The following EPB41L3 variants were observed in gnomAD, a reference collection of about 807,000 sequenced individuals.
EPB41L3 encodes the protein erythrocyte membrane protein band 4.1 like 3.
In EPB41L3, 57 loss-of-function variants were observed where a neutral mutation model predicts 127.1. The observed-to-expected ratio is 0.45, with a 90% CI of 0.36 to 0.56. EPB41L3 has a LOEUF of 0.56. Ranked by LOEUF, EPB41L3 falls within the 20% of genes least tolerant of loss-of-function variation. EPB41L3 has a pLI of 0.00. For missense variants in EPB41L3, 1,273 were observed against 1,372.2 expected, an observed-to-expected ratio of 0.93 and a Z score of 1.14; for synonymous variants, 572 against 549.5, an observed-to-expected ratio of 1.04 and a Z score of -0.57.
intron 6 of EPB41L3, among the ~76,000 whole-genome samples, chr18:5,436,706 C>A (rs2079892089): frequency 6.6e-6 from 1 of 152,128 alleles, no homozygotes; most frequent in South Asian, 2.1e-4. Flanking sequence ...CCGTGCCTGG[C>A]CCACCATGAA....
At chr18:5,411,361 C>T (rs1325896024) in intron 13 of EPB41L3, among the ~76,000 whole-genome samples, 1 of 151,954 alleles carries the variant, frequency 6.6e-6, no homozygotes, top group Non-Finnish European at 1.5e-5. Context: ...TCAAATGAAG[C>T]AAATAAGAAG....
chr18:5,515,464 G>T (rs1345073003), intron 1 of EPB41L3, among the ~76,000 whole-genome samples: 1 of 152,148 alleles, frequency 6.6e-6, no homozygotes, highest in East Asian at 1.9e-4. Context: ...ATAAAAAACA[G>T]GGAAGTAGAA....
intron 1 of EPB41L3, among the ~76,000 whole-genome samples, chr18:5,495,430 A>AG (rs2091065771): frequency 1.2e-5 from 1 of 81,154 alleles, no homozygotes; most frequent in Admixed American, 1.1e-4. Flanking sequence ...TAAATGAAAC[A>AG]GTAAGGCCAC....
At chr18:5,411,026 T>C (rs1256492024) in intron 13 of EPB41L3, among the ~76,000 whole-genome samples, 3 of 152,242 alleles carry the variant, frequency 2.0e-5, no homozygotes, top group Non-Finnish European at 4.4e-5. Flanking sequence ...TAATATTTCA[T>C]ATTTGAAAGG....
At chr18:5,422,271 T>C (rs2077570213) in intron 11 of EPB41L3, among the ~76,000 whole-genome samples, 1 of 152,162 alleles carries the variant, frequency 6.6e-6, no homozygotes, top group South Asian at 2.1e-4. Context: ...AATGCCATTT[T>C]GATTTCTTCT....
At chr18:5,619,548 A>G (rs2144196056) in intron 1 of EPB41L3, among the ~76,000 whole-genome samples, 2 of 152,316 alleles carry the variant, frequency 1.3e-5, no homozygotes, top group African/African-American at 4.8e-5. Flanking sequence ...TTGAAGCATT[A>G]TATAAGCAGG....
chr18:5,545,449 A>C (rs565859614), upstream of EPB41L3, among the ~76,000 whole-genome samples: 2 of 152,296 alleles, frequency 1.3e-5, no homozygotes, highest in South Asian at 4.1e-4. Flanking sequence ...TTGGTAGGAA[A>C]GGAGGATGGT....
chr18:5,410,705 C>T (rs1044514277), intron 13 of EPB41L3, 86 bp from the exon 14 acceptor site: 2 of 1,011,400 alleles, frequency 2.0e-6, no homozygotes, highest in African/African-American at 1.6e-5. Context: ...TGGCACAGGT[C>T]AGACAGGTCA....
intron 1 of EPB41L3, among the ~76,000 whole-genome samples, chr18:5,619,758 T>C (rs1275006136): frequency 6.6e-6 from 1 of 152,228 alleles, no homozygotes; most frequent in Non-Finnish European, 1.5e-5. Flanking sequence ...ATGGGAGCCA[T>C]CTAGATAAAT....
At chr18:5,599,840 T>C (rs993737325) in intron 3 of EPB41L3, among the ~76,000 whole-genome samples, 1 of 152,210 alleles carries the variant, frequency 6.6e-6, no homozygotes, top group Non-Finnish European at 1.5e-5. Context: ...TATTTCTTTA[T>C]AGCACTGCAT....
intron 7 of EPB41L3, 113 bp from the exon 8 acceptor site, chr18:5,433,669 G>T (rs2079320332): frequency 1.1e-6 from 1 of 950,684 alleles, no homozygotes; most frequent in Non-Finnish European, 1.6e-6. Context: ...GGCACCAGCA[G>T]ATACATGAGA....
chr18:5,629,358 G>A (rs1165552167), upstream of EPB41L3, among the ~76,000 whole-genome samples: 1 of 151,546 alleles, frequency 6.6e-6, no homozygotes, highest in African/African-American at 2.4e-5. Flanking sequence ...CCGGGCTGGG[G>A]GAACTGGCTC....
intron 2 of EPB41L3, chr18:5,479,872 CAT>C (rs1238451424): frequency 6.6e-6 from 1 of 152,072 alleles, no homozygotes; most frequent in Admixed American, 6.6e-5. Flanking sequence ...GCAAGAAAAT[CAT>C]AAAATTGTCA....
At chr18:5,619,835 G>A (rs773366204) in intron 1 of EPB41L3, among the ~76,000 whole-genome samples, 16 of 152,204 alleles carry the variant, frequency 1.1e-4, no homozygotes, top group Non-Finnish European at 1.6e-4. Context: ...ATGATGATGC[G>A]TAAAAGGAAA....
chr18:5,548,043 G>A (rs757409868), upstream of EPB41L3, among the ~76,000 whole-genome samples: 12 of 152,170 alleles, frequency 7.9e-5, no homozygotes, highest in Non-Finnish European at 1.5e-4. Context: ...TATTCAACCT[G>A]ATCTGCTGCC....
chr18:5,448,595 C>T (rs190238712), intron 3 of EPB41L3, among the ~76,000 whole-genome samples: 1 of 152,094 alleles, frequency 6.6e-6, no homozygotes, highest in Non-Finnish European at 1.5e-5. Flanking sequence ...GAGTCAAGAA[C>T]TGAGTATATT....
intron 3 of EPB41L3, among the ~76,000 whole-genome samples, chr18:5,580,134 AC>A (rs1480410120): frequency 1.3e-5 from 2 of 152,292 alleles, no homozygotes; most frequent in African/African-American, 4.8e-5. Flanking sequence ...ATAAGTACAC[AC>A]TTCTGTATAG....
chr18:5,535,950 C>A (rs1238328470), intron 1 of EPB41L3, among the ~76,000 whole-genome samples: 1 of 152,136 alleles, frequency 6.6e-6, no homozygotes, highest in Non-Finnish European at 1.5e-5. Context: ...ACCCCGTACA[C>A]CTACTAAACT....
intron 3 of EPB41L3, among the ~76,000 whole-genome samples, chr18:5,460,399 A>G (rs1462035593): frequency 2.6e-5 from 4 of 152,322 alleles, no homozygotes; most frequent in South Asian, 2.1e-4. Context: ...CCCCATGTCC[A>G]TGCCATATTC....
Sources: gnomAD v4.1 joint callset for allele counts (sites outside exome capture counted in the v4.1 genomes callset) on GRCh38, gnomAD v4.1.1 for gene constraint, MANE v1.5 for transcripts, NCBI Gene and HGNC (gene_info 2026-07-23, HGNC 2026-07-21) for gene names.